ZP2: variants seen among roughly 807,000 people sequenced by gnomAD.
The protein encoded by ZP2 is zona pellucida glycoprotein 2, also known as zona pellucida sperm-binding protein 2.
In ZP2, 51 loss-of-function variants were observed where a neutral mutation model predicts 84.0. The ratio of observed to expected loss-of-function variants is 0.61; its 90% CI spans 0.49 to 0.77. The LOEUF is 0.77. Among genes scored for constraint, ZP2 ranks in the 30% least tolerant of loss-of-function variants. The pLI is 0.00. For synonymous variants in ZP2, 375 were observed against 330.9 expected (o/e 1.13, Z -1.45); for missense variants, 909 against 911.9 (o/e 1.00, Z 0.04).
At chr16:21,201,347 T>C (rs529297907) in intron 14 of ZP2, 22 bp downstream of exon 14, 1 of 1,519,824 alleles carries the variant, frequency 6.6e-7, no homozygotes, top group East Asian at 2.3e-5. Flanking sequence ...CTGGGTAACC[T>C]GATAGTACAG....
At chr16:21,211,709 A>C, upstream of ZP2, 1 of 1,520,070 alleles carries the variant, frequency 6.6e-7, no homozygotes, top group Non-Finnish European at 8.8e-7. Context: ...GTGGCCTCTG[A>C]TTCCTGACAG....
intron 2 of ZP2, 105 bp from the exon 3 acceptor site, chr16:21,210,297 G>T: frequency 1.1e-6 from 1 of 876,228 alleles, no homozygotes; most frequent in Non-Finnish European, 1.9e-6. Flanking sequence ...GATGAGGGAG[G>T]CAAGAATCGT....
At chr16:21,198,747 T>A (rs189790471) in intron 17 of ZP2, 32 bp downstream of exon 17, 11 of 1,599,180 alleles carry the variant, frequency 6.9e-6, no homozygotes, top group Non-Finnish European at 9.4e-6. Context: ...AGAACTTGAA[T>A]CCAGGAAGTA....
intron 14 of ZP2, 51 bp downstream of exon 14, chr16:21,201,318 G>C (rs145456328): frequency 7.6e-5 from 113 of 1,477,306 alleles, no homozygotes; most frequent in Non-Finnish European, 9.5e-5. Flanking sequence ...CCCATTACTG[G>C]CAAGTTTTGA....
At chr16:21,207,416 T>C (rs2093254842) in intron 4 of ZP2, among the ~76,000 whole-genome samples, 1 of 152,094 alleles carries the variant, frequency 6.6e-6, no homozygotes, top group African/African-American at 2.4e-5. Context: ...CTTTTTCCAT[T>C]ATGCATTAGC....
Position 21,204,338 on chromosome 16 carries a change from T to C in ZP2, c.760A>G (p.Ile254Val), listed in dbSNP as rs1307229312. 2 of 1,614,110 alleles carry C rather than the reference T, an allele frequency of 1.2e-6. No individual in the cohort carries two copies. The highest frequency in any genetic ancestry group is 1.7e-6 in the Non-Finnish European group (2 of 1,179,998). ...LTFISPGQKV[I>V]FSSQAICAPD... is the part of the protein sequence containing the mutation. ...GCACAAATAGCTTGTGAAGAGAAGA[T>C]CACCTTCTGTCCAGGAGATATAAAT... is the stretch of plus-strand genomic sequence containing the variant. The change falls in exon 8 of 19, where the codon ATC becomes GTC. Residue 254 changes from isoleucine (I) to valine (V), a missense_variant. Physicochemically the swap from Ile to Val is conservative, Grantham distance 29. Coordinates refer to ENST00000574091, the MANE Select transcript of ZP2 (RefSeq NM_001376232.1).
At position 21,199,648 on chromosome 16, in the gene ZP2, C is replaced by T; in HGVS notation, c.1849G>A (p.Ala617Thr). Residue 617 changes from alanine to threonine, a missense_variant, in exon 16 of 19, where the codon GCC (alanine) becomes ACC (threonine). By Grantham distance (58) the Ala-to-Thr change is moderately conservative (BLOSUM62 0). Coordinates refer to ENST00000574091, the MANE Select transcript of ZP2 (RefSeq NM_001376232.1). ...GGGGAGAGTCGATTACAGATTAAGG[C>T]ACTGCAGTGGAAGTAGACCTGGAGA... is the stretch of plus-strand genomic sequence containing the variant. The part of the protein sequence containing the change: ...LSSLVYFHCS[A>T]LICNRLSPDS... 2.5e-6 allele frequency: 4 copies of T among 1,613,584 alleles called. No individual in the cohort carries two copies. The highest frequency in any genetic ancestry group is 3.4e-6 in the Non-Finnish European group (4 of 1,179,730).
intron 14 of ZP2, 33 bp downstream of exon 14, chr16:21,201,336 G>C (rs756685480): frequency 1.3e-6 from 2 of 1,503,152 alleles, no homozygotes; most frequent in East Asian, 4.6e-5. Context: ...TGATGGATTA[G>C]CTGGGTAACC....
intron 16 of ZP2, among the ~76,000 whole-genome samples, chr16:21,199,342 A>G (rs961812198): frequency 3.4e-5 from 5 of 145,034 alleles, no homozygotes; most frequent in Admixed American, 2.1e-4. Context: ...AAAAAAAAAA[A>G]AAGGATAGAT....
Position 21,211,342 on chromosome 16 carries a change from A to G in ZP2, c.116T>C (p.Ile39Thr), listed in dbSNP as rs1290866006. 2 of 1,614,184 alleles carry G rather than the reference A, an allele frequency of 1.2e-6. No individual in the cohort carries two copies. The highest frequency in any genetic ancestry group is 1.7e-6 in the Non-Finnish European group (2 of 1,180,018). ...AGGATTTACCAACTGAGAAACATCT[A>G]TGGAGTTCCCTGAAGTCACAAGGGC... Reference protein sequence around the residue: ...FFALVTSGNSIDVSQLVNPAF... With the variant: ...FFALVTSGNSTDVSQLVNPAF... Residue 39 changes from isoleucine (I) to threonine (T), a missense_variant, in exon 2 of 19, where the codon ATA becomes ACA. Ile to Thr is a moderately conservative substitution (Grantham distance 89). Transcript: ENST00000574091.
At chr16:21,203,357 A>C in intron 9 of ZP2, 106 bp from the exon 10 acceptor site, 2 of 1,479,208 alleles carry the variant, frequency 1.4e-6, no homozygotes, top group Non-Finnish European at 1.8e-6. Context: ...CACACTCCAG[A>C]CTTATCTGGG....
Position 21,206,827 on chromosome 16 carries a change from G to T in ZP2, c.483+11C>A. ...GCCATATACCCCGAGCAGTCAGCCCGTTTCACTCACAGACATGAAATCCTT... is the reference window on the plus strand; with the variant it reads ...GCCATATACCCCGAGCAGTCAGCCCTTTTCACTCACAGACATGAAATCCTT... On this transcript the variant is annotated intron_variant, in intron 5 of 18. Coordinates refer to ENST00000574091, the MANE Select transcript of ZP2 (RefSeq NM_001376232.1). 2 of 1,614,028 alleles carry T rather than the reference G, an allele frequency of 1.2e-6. No homozygotes were observed. The highest frequency in any genetic ancestry group is 1.7e-6 in the Non-Finnish European group (2 of 1,179,966).
upstream of ZP2, chr16:21,214,148 G>T: frequency 1.3e-6 from 1 of 760,344 alleles, no homozygotes; most frequent in Non-Finnish European, 1.6e-6. Context: ...GAGACCCCAA[G>T]CAGGAGATGT....
intron 7 of ZP2, among the ~76,000 whole-genome samples, 169 bp downstream of exon 7, chr16:21,205,251 C>G (rs2152855634): frequency 6.6e-6 from 1 of 152,264 alleles, no homozygotes; most frequent in African/African-American, 2.4e-5. Flanking sequence ...CTTCAGCCTT[C>G]CAAAGTGCTG....
In ZP2 at chr16:21,205,402, C is replaced by A. The variant is rs914198621; in HGVS notation, c.693+18G>T. On this transcript the variant is annotated intron_variant, in intron 7 of 18. Coordinates refer to ENST00000574091, the MANE Select transcript of ZP2 (RefSeq NM_001376232.1). ...TGGCCTGTGCTTTGGTGGTACAAAGCCAGACTTCCACACCTACCACATAGT... is the reference window on the plus strand; with the variant it reads ...TGGCCTGTGCTTTGGTGGTACAAAGACAGACTTCCACACCTACCACATAGT... 1.2e-6 allele frequency: 2 copies of A among 1,611,860 alleles called. No homozygotes were observed. The highest frequency in any genetic ancestry group is 1.7e-6 in the Non-Finnish European group (2 of 1,178,902).
chr16:21,207,449 C>T (rs2093254977), intron 4 of ZP2, among the ~76,000 whole-genome samples: 1 of 152,024 alleles, frequency 6.6e-6, no homozygotes, highest in African/African-American at 2.4e-5. Flanking sequence ...CTCATGTGAG[C>T]CACATGAAAT....
chr16:21,199,776 G>A lies in ZP2; in HGVS notation c.1797C>T (p.Ala599=), dbSNP rs763054689. Residue 599 remains alanine, a synonymous_variant, in exon 15 of 19, where the codon GCC becomes GCT. Coordinates refer to ENST00000574091, the MANE Select transcript of ZP2 (RefSeq NM_001376232.1). Reference sequence around the variant, plus strand: ...AGAGCACGTGGGCTTCTGATACAAAGGCAAAAGCCTTCATGTCAAACCTCT... The same window carrying A: ...AGAGCACGTGGGCTTCTGATACAAAAGCAAAAGCCTTCATGTCAAACCTCT... ...HYQRFDMKAF[A]FVSEAHVLSS... The A allele has an allele frequency of 2.5e-6, 4 of 1,614,114 alleles. No individual in the cohort carries two copies. The South Asian group carries it at 3.3e-5, about 13-fold the overall frequency.
At position 21,197,845 on chromosome 16, in the gene ZP2, G is replaced by C; in HGVS notation, c.2016C>G (p.Val672=). The part of the protein sequence containing the change: ...LLSDDSSFRG[V]GSSDLKASGS... Reference sequence around the variant, plus strand: ...CACTTGCTTTTAGATCAGATGAGCCGACACCTGGGAAGAACCTGAGAGTTT... The same window carrying C: ...CACTTGCTTTTAGATCAGATGAGCCCACACCTGGGAAGAACCTGAGAGTTT... The change falls in exon 18 of 19, where the codon GTC becomes GTG. Residue 672 remains valine (V), a synonymous_variant. Coordinates refer to ENST00000574091, the MANE Select transcript of ZP2 (RefSeq NM_001376232.1). 6.2e-7 allele frequency: 1 copy of C among 1,614,056 alleles called. No individual in the cohort carries two copies. Among genetic ancestry groups the C allele is most frequent in the Non-Finnish European group, 8.5e-7 (1 of 1,179,976 alleles).
chr16:21,211,044 T>C (rs918706029), intron 2 of ZP2, among the ~76,000 whole-genome samples: 1 of 152,116 alleles, frequency 6.6e-6, no homozygotes, highest in African/African-American at 2.4e-5. Flanking sequence ...GATGAGGGCT[T>C]AGTGTGGTGG....
Sources: gnomAD v4.1 joint callset for allele counts (sites outside exome capture counted in the v4.1 genomes callset) on GRCh38, gnomAD v4.1.1 for gene constraint, MANE v1.5 for transcripts, NCBI Gene and HGNC (gene_info 2026-07-23, HGNC 2026-07-21) for gene names.